Variants in WNT7B observed in about 807,000 individuals in gnomAD.
WNT7B encodes the protein protein Wnt-7b.
Under a neutral mutation model 38.2 loss-of-function variants are expected in WNT7B, and 19 were observed. The observed-to-expected ratio is 0.50, with a 90% CI of 0.35 to 0.73. The LOEUF is 0.73. WNT7B is among the 30% of genes least tolerant of loss of function. The pLI is 0.01. For synonymous variants in WNT7B, 243 were observed against 209.3 expected (o/e 1.16, Z -1.39); for missense variants, 423 against 507.9 (o/e 0.83, Z 1.61).
Position 45,976,680 on chromosome 22 carries a change from T to C in WNT7B, c.71+4A>G. 3 of 1,607,374 alleles carry C rather than the reference T, an allele frequency of 1.9e-6. No homozygotes were observed. Among genetic ancestry groups the C allele is most frequent in the Non-Finnish European group, 2.6e-6 (3 of 1,176,300 alleles). On this transcript the variant is annotated splice_donor_region_variant and intron_variant, in intron 1 of 3. Transcript: ENST00000339464. This position sits in a 1 kb window ranked among gnomAD's most constrained non-coding sequence, Gnocchi z 8.5. ...GCTGCTGCCCTCGCCCACGGGGTAC[T>C]CACCCGAGCTTCACGTACAGGACGC...
chr22:45,936,321 A>G (rs1931512821), intron 2 of WNT7B, among the ~76,000 whole-genome samples: 1 of 152,144 alleles, frequency 6.6e-6, no homozygotes, highest in Non-Finnish European at 1.5e-5. Context: ...TACCCACATC[A>G]CTAAGATGGT....
intron 1 of WNT7B, among the ~76,000 whole-genome samples, chr22:45,963,448 C>T (rs1932240290): frequency 6.6e-6 from 1 of 152,176 alleles, no homozygotes; most frequent in Admixed American, 6.5e-5. Context: ...TTCAGAACTC[C>T]AGGGGCCTTG....
At chr22:45,955,218 G>C (rs530806828) in intron 1 of WNT7B, among the ~76,000 whole-genome samples, 2 of 152,304 alleles carry the variant, frequency 1.3e-5, no homozygotes, top group South Asian at 4.1e-4. Flanking sequence ...TCCCCGAGCC[G>C]GCCTGGCCCT....
chr22:45,932,446 C>T (rs1365852492), intron 2 of WNT7B, among the ~76,000 whole-genome samples: 1 of 151,134 alleles, frequency 6.6e-6, no homozygotes, highest in Non-Finnish European at 1.5e-5. Context: ...GCACTTGGTA[C>T]CTGACCCTTC....
At chr22:45,927,242 G>A in intron 3 of WNT7B, 12 of 985,400 alleles carry the variant, frequency 1.2e-5, no homozygotes, top group Non-Finnish European at 1.4e-5. Context: ...AAACCTCAGG[G>A]GCTGCTCTGA....
At chr22:45,925,786 G>A in intron 3 of WNT7B, 3 of 985,408 alleles carry the variant, frequency 3.0e-6, no homozygotes, top group Non-Finnish European at 3.6e-6. Context: ...TTCCCAGCCG[G>A]GAGAAGTTCA....
chr22:45,938,951 T>G (rs891181032), intron 2 of WNT7B, among the ~76,000 whole-genome samples: 19 of 152,238 alleles, frequency 1.2e-4, no homozygotes, highest in African/African-American at 4.1e-4. Flanking sequence ...GCCAAGGACC[T>G]GAACAGACAT....
chr22:45,966,872 G>A lies in WNT7B; in HGVS notation c.71+9812C>T, dbSNP rs73446572. Among the ~76,000 whole-genome samples the A allele has an allele frequency of 2.9e-3, 447 of 152,328 alleles. 4 individuals carry two copies. The highest frequency in any genetic ancestry group is 0.01 in the African/African-American group (430 of 41,572). On this transcript the variant is annotated intron_variant, in intron 1 of 3. Transcript: ENST00000339464. The surrounding 1 kb of genome is among the most constrained non-coding windows in gnomAD (Gnocchi z 4.2). ...CTGCTTGCACAGAGAACCTGTGAGC[G>A]CTGCTTCTCTGCCCAGGCAGGGACC...
chr22:45,949,828 G>GT, intron 2 of WNT7B, 92 bp downstream of exon 2: 2 of 1,293,490 alleles, frequency 1.5e-6, no homozygotes, highest in Non-Finnish European at 2.1e-6. Flanking sequence ...GATGTGTGCA[G>GT]AACAGCGGCC....
Position 45,951,977 on chromosome 22 carries a change from G to T in WNT7B, c.72-1831C>A, listed in dbSNP as rs1027514123. Among the ~76,000 whole-genome samples the T allele has an allele frequency of 6.6e-6, 1 of 152,206 alleles. No homozygotes were observed. The highest frequency in any genetic ancestry group is 2.4e-5 in the African/African-American group (1 of 41,446). On this transcript the variant is annotated intron_variant, in intron 1 of 3. Transcript: ENST00000339464. This position sits in a 1 kb window ranked among gnomAD's most constrained non-coding sequence, Gnocchi z 4.8. ...CCACAGCGGCTGCCCCAGTCATCTG[G>T]CTTTAAGCACCCATGGAAGGGGCAG... is the stretch of plus-strand genomic sequence containing the variant.
intron 2 of WNT7B, among the ~76,000 whole-genome samples, chr22:45,939,617 A>C (rs974608147): frequency 1.4e-5 from 2 of 144,874 alleles, no homozygotes; most frequent in African/African-American, 5.1e-5. Context: ...AACATGGCAA[A>C]ACCCTGTCTC....
chr22:45,947,950 C>A (rs912998839), intron 2 of WNT7B, among the ~76,000 whole-genome samples: 1 of 152,158 alleles, frequency 6.6e-6, no homozygotes, highest in African/African-American at 2.4e-5. Flanking sequence ...GCTCGGGGAC[C>A]CCACAGTGAT....
chr22:45,967,330 C>T (rs891023611), intron 1 of WNT7B, among the ~76,000 whole-genome samples: 1 of 152,196 alleles, frequency 6.6e-6, no homozygotes, highest in African/African-American at 2.4e-5. Context: ...CTGAGCCGGA[C>T]CCAAGGCTGT....
intron 3 of WNT7B, among the ~76,000 whole-genome samples, chr22:45,929,935 C>T (rs1421471187): frequency 1.0e-4 from 5 of 49,390 alleles, no homozygotes; most frequent in East Asian, 1.3e-3. Flanking sequence ...CATCCACCCA[C>T]TCATCCTTCC....
At chr22:45,941,193 G>A (rs971965506) in intron 2 of WNT7B, among the ~76,000 whole-genome samples, 4 of 152,294 alleles carry the variant, frequency 2.6e-5, no homozygotes, top group Admixed American at 1.3e-4. Context: ...CAAGTGGATC[G>A]GGTGAGGGGG....
chr22:45,975,737 A>C lies in WNT7B; in HGVS notation c.71+947T>G. 2.4e-6 allele frequency: 1 copy of C among 414,220 alleles called. No individual in the cohort carries two copies. The highest frequency in any genetic ancestry group is 4.3e-6 in the Non-Finnish European group (1 of 230,190). The allele number at this position is 414,220 out of a possible 1,614,324, so 25.7% of individuals were successfully genotyped here. The stretch of plus-strand genomic sequence containing the variant: ...CTCGGGGCAGCCGGCGGCGCACAGT[A>C]GGCGCGCAGGGCGCGGCGGGGCCCG... On this transcript the variant is annotated intron_variant, in intron 1 of 3. Coordinates refer to ENST00000339464, the MANE Select transcript of WNT7B (RefSeq NM_058238.3). The surrounding 1 kb of genome is among the most constrained non-coding windows in gnomAD (Gnocchi z 6.6).
Position 45,923,116 on chromosome 22 carries a change from T to A in WNT7B, c.790A>T (p.Met264Leu). The A allele has an allele frequency of 6.2e-7, 1 of 1,613,688 alleles. No homozygotes were observed. The highest frequency in any genetic ancestry group is 8.5e-7 in the Non-Finnish European group (1 of 1,180,012). Residue 264 changes from methionine (M) to leucine (L), a missense_variant, in exon 4 of 4, where the codon ATG becomes TTG. This residue lies in a region of WNT7B where 158 missense variants were observed against 214.7 expected (regional missense o/e 0.74). Coordinates refer to ENST00000339464, the MANE Select transcript of WNT7B (RefSeq NM_058238.3). ...IKQLRSYQKP[M>L]ETDLVYIEKS... ...TCAATGTACACCAGGTCTGTCTCCA[T>A]GGGCTTCTGATAGCTGCGCAGCTGT...
intron 1 of WNT7B, among the ~76,000 whole-genome samples, chr22:45,953,246 CCGTGTCCTCGGCTTCCCCT>C: frequency 9.3e-6 from 1 of 107,612 alleles, no homozygotes; most frequent in Admixed American, 9.1e-5. Context: ...CTCACAGTCA[CCGTGTCCTCGGCTTCCCCT>C]CACAGTCACC....
intron 2 of WNT7B, among the ~76,000 whole-genome samples, chr22:45,942,661 CTT>C (rs1373662369): frequency 6.6e-6 from 1 of 150,838 alleles, no homozygotes; most frequent in Non-Finnish European, 1.5e-5. Flanking sequence ...AATTCTGCGG[CTT>C]ACACGAAGGT....
Sources: allele counts gnomAD v4.1 joint callset (sites outside exome capture counted in the v4.1 genomes callset), GRCh38; gene constraint gnomAD v4.1.1; regional missense constraint gnomAD v4.1.1; non-coding constraint Gnocchi (gnomAD v3.1); transcripts MANE v1.5; gene names NCBI Gene and HGNC (gene_info 2026-07-23, HGNC 2026-07-21).